Variants in MTMR3 observed in about 807,000 individuals in gnomAD.
MTMR3 encodes the protein phosphatidylinositol-3,5-bisphosphate 3-phosphatase MTMR3.
In MTMR3, 32 loss-of-function variants were observed where a neutral mutation model predicts 132.4. The ratio of observed to expected loss-of-function variants is 0.24; its 90% CI spans 0.18 to 0.32. The LOEUF is 0.32. Among genes scored for constraint, MTMR3 ranks in the 10% least tolerant of loss-of-function variants. The pLI is 1.00. For missense variants in MTMR3, 1,216 were observed against 1,489.6 expected (o/e 0.82, Z 3.02); for synonymous variants, 556 against 550.3 (o/e 1.01, Z -0.14).
chr22:29,891,129 GCAT>G (rs2064790505), intron 1 of MTMR3, among the ~76,000 whole-genome samples: 1 of 151,666 alleles, frequency 6.6e-6, no homozygotes, highest in Non-Finnish European at 1.5e-5. Context: ...AAAAAATTGA[GCAT>G]CAATTCTTAA....
chr22:29,913,435 G>T lies in MTMR3; in HGVS notation c.-138+30076G>T, dbSNP rs577637132. On this transcript the variant is annotated intron_variant, in intron 1 of 19. Transcript: ENST00000401950. Reference sequence around the variant, plus strand: ...TAACTAAGATTTAGGGAAAATACTGGTCTTAACCAGAGCACATATGTATAC... The same window carrying T: ...TAACTAAGATTTAGGGAAAATACTGTTCTTAACCAGAGCACATATGTATAC... 8.5e-5 allele frequency among the ~76,000 whole-genome samples: 13 copies of T among 152,176 alleles called. 1 individual carries two copies. The South Asian group carries it at 1.7e-3, about 19-fold the overall frequency.
intron 1 of MTMR3, among the ~76,000 whole-genome samples, chr22:29,954,151 A>G (rs1050814019): frequency 1.3e-4 from 19 of 145,350 alleles, no homozygotes; most frequent in Non-Finnish European, 1.5e-4. Context: ...TTGTAATCAT[A>G]GCTCGCTGCA....
intron 1 of MTMR3, among the ~76,000 whole-genome samples, chr22:29,904,480 T>G (rs575218380): frequency 5.3e-4 from 81 of 152,334 alleles, no homozygotes; most frequent in Non-Finnish European, 1.1e-3. Context: ...CACTTACCTG[T>G]CTGTGATCTT....
intron 7 of MTMR3, chr22:29,995,635 TGAAATG>T (rs1298709863): frequency 2.0e-5 from 3 of 152,178 alleles, no homozygotes; most frequent in Non-Finnish European, 4.4e-5. Flanking sequence ...TAGGAAGGGT[TGAAATG>T]GAAATATAAA....
chr22:29,939,135 T>C (rs1009417548), intron 1 of MTMR3, among the ~76,000 whole-genome samples: 3 of 152,164 alleles, frequency 2.0e-5, no homozygotes, highest in African/African-American at 7.2e-5. Flanking sequence ...AACTATACGT[T>C]TTCTAATTGT....
chr22:30,007,593 G>T, intron 10 of MTMR3: 1 of 556,994 alleles, frequency 1.8e-6, no homozygotes, highest in Non-Finnish European at 3.2e-6. Context: ...TGCAGTATCT[G>T]CAGACCATGG....
intron 1 of MTMR3, among the ~76,000 whole-genome samples, chr22:29,934,141 T>C (rs1196116384): frequency 6.6e-6 from 1 of 152,042 alleles, no homozygotes; most frequent in African/African-American, 2.4e-5. Flanking sequence ...GATCACGAGG[T>C]CAAGAGATCG....
chr22:29,942,433 G>A (rs1029310960), intron 1 of MTMR3, among the ~76,000 whole-genome samples: 1 of 152,172 alleles, frequency 6.6e-6, no homozygotes, highest in Non-Finnish European at 1.5e-5. Context: ...TGCTAATGAA[G>A]TTTCGGGCAC....
rs1348523896 is a variant in MTMR3, at chr22:29,998,857, A to G, written c.557A>G (p.Lys186Arg). ...ATTTCCAACATCAATGAGAAGTACA[A>G]GTGAGTTATATGGGTCCCTGTGGAC... ...WRISNINEKYKLCGSYPQELI... is the reference protein window; with the variant it reads ...WRISNINEKYRLCGSYPQELI... The change falls in exon 8 of 20, where the codon AAA (lysine) becomes AGA (arginine). Residue 186 changes from lysine (K) to arginine (R), a missense_variant and splice_region_variant. By Grantham distance (26) the Lys-to-Arg change is conservative. This residue lies in a region of MTMR3 where 129 missense variants were observed against 245.7 expected (regional missense o/e 0.53). Transcript: ENST00000401950. The G allele has an allele frequency of 6.2e-7, 1 of 1,606,634 alleles. No individual in the cohort carries two copies. Among genetic ancestry groups the G allele is most frequent in the East Asian group, 2.2e-5 (1 of 44,516 alleles).
At position 29,988,490 on chromosome 22, in the gene MTMR3, A is replaced by G; in HGVS notation, c.221A>G (p.Gln74Arg). Reference protein sequence around the residue: ...FKESLVNVPLQLIESVECRDI... With the variant: ...FKESLVNVPLRLIESVECRDI... ...TTTTTAAAATTGCAGGTTCCATTACAGCTTATAGAAAGTGTTGAATGCCGA... is the reference window on the plus strand; with the variant it reads ...TTTTTAAAATTGCAGGTTCCATTACGGCTTATAGAAAGTGTTGAATGCCGA... Residue 74 changes from glutamine to arginine, a missense_variant, in exon 6 of 20, where the codon CAG becomes CGG. Physicochemically the swap from Gln to Arg is conservative, Grantham distance 43. Transcript: ENST00000401950. 6.2e-7 allele frequency: 1 copy of G among 1,611,856 alleles called. No individual in the cohort carries two copies. Among genetic ancestry groups the G allele is most frequent in the Non-Finnish European group, 8.5e-7 (1 of 1,178,754 alleles).
chr22:29,917,142 G>T (rs1379557719), intron 1 of MTMR3, among the ~76,000 whole-genome samples: 5 of 152,150 alleles, frequency 3.3e-5, no homozygotes. Flanking sequence ...GAGGAAAAGT[G>T]ATTGTAAATG....
At chr22:30,001,448 G>A (rs1287322250) in intron 8 of MTMR3, 1 of 152,272 alleles carries the variant, frequency 6.6e-6, no homozygotes, top group Non-Finnish European at 1.5e-5. Flanking sequence ...AGCTACTGGG[G>A]AGGCTGAAGT....
intron 8 of MTMR3, chr22:30,002,175 G>C (rs890741334): frequency 6.6e-6 from 1 of 152,146 alleles, no homozygotes; most frequent in Non-Finnish European, 1.5e-5. Flanking sequence ...TTAAAAGAAA[G>C]CTTATCCCCC....
intron 8 of MTMR3, chr22:30,001,119 T>C (rs929200474): frequency 2.0e-5 from 3 of 152,266 alleles, no homozygotes; most frequent in East Asian, 1.9e-4. Flanking sequence ...TGGCCAGGCA[T>C]GGTGGCTCAT....
chr22:29,932,331 G>T (rs1021633578), intron 1 of MTMR3, among the ~76,000 whole-genome samples: 1 of 152,148 alleles, frequency 6.6e-6, no homozygotes, highest in Non-Finnish European at 1.5e-5. Context: ...ACTACATACT[G>T]TGAGATAATC....
intron 2 of MTMR3, among the ~76,000 whole-genome samples, chr22:29,967,986 T>TAA (rs2066463104): frequency 6.6e-6 from 1 of 152,074 alleles, no homozygotes; most frequent in Non-Finnish European, 1.5e-5. Context: ...TGTTTGTCCA[T>TAA]TCATTGATTG....
intron 2 of MTMR3, among the ~76,000 whole-genome samples, chr22:29,966,734 T>C (rs56354904): frequency 0.4 from 30,241 of 75,500 alleles, 3,699 homozygotes; most frequent in Non-Finnish European, 0.48. Context: ...TGCGTGTGTG[T>C]GTGTGTGTGT....
At chr22:29,891,494 C>T (rs971120353) in intron 1 of MTMR3, among the ~76,000 whole-genome samples, 4 of 151,778 alleles carry the variant, frequency 2.6e-5, no homozygotes, top group Non-Finnish European at 5.9e-5. Context: ...TGCAGTGGTG[C>T]GATCTTGGCT....
chr22:29,943,476 C>T (rs2065896216), intron 1 of MTMR3, among the ~76,000 whole-genome samples: 1 of 152,138 alleles, frequency 6.6e-6, no homozygotes, highest in Admixed American at 6.5e-5. Flanking sequence ...AGGCGTGAGC[C>T]ACCGCGCCTG....
Sources: gnomAD v4.1 joint callset for allele counts (sites outside exome capture counted in the v4.1 genomes callset) on GRCh38, gnomAD v4.1.1 for gene constraint, gnomAD v4.1.1 regional missense constraint, MANE v1.5 for transcripts, NCBI Gene and HGNC (gene_info 2026-07-23, HGNC 2026-07-21) for gene names.